Variants in GFM1 observed in about 807,000 individuals in gnomAD.
GFM1 encodes the protein elongation factor G, mitochondrial.
In GFM1, 62 loss-of-function variants were observed where a neutral mutation model predicts 96.2. The ratio of observed to expected loss-of-function variants is 0.64; its 90% CI spans 0.53 to 0.80. GFM1 has a LOEUF of 0.80. Among genes scored for constraint, GFM1 ranks in the 30% least tolerant of loss-of-function variants. The probability of loss-of-function intolerance (pLI) is 0.00; values close to 1 mark genes in which losing one functional copy is unlikely to be tolerated. For synonymous variants in GFM1, 282 were observed against 312.9 expected, an observed-to-expected ratio of 0.90 and a Z score of 1.04; for missense variants, 852 against 916.6, an observed-to-expected ratio of 0.93 and a Z score of 0.91.
chr3:158,686,210 A>C (rs1027867362), intron 15 of GFM1, among the ~76,000 whole-genome samples: 1 of 148,194 alleles, frequency 6.7e-6, no homozygotes, highest in Non-Finnish European at 1.5e-5. Context: ...TAAAATACAT[A>C]TATAAAGTAT....
At position 158,665,204 on chromosome 3, in the gene GFM1, G is replaced by A. The variant is rs1054815079; in HGVS notation, c.1381-133G>A. ...ACATTGTTTTTAAAAATGGTGTGGA[G>A]TAGAACTAGATATGTATCATTTTTA... On this transcript the variant is annotated intron_variant, in intron 11 of 17. Coordinates refer to ENST00000486715, the MANE Select transcript of GFM1 (RefSeq NM_024996.7). The A allele has an allele frequency of 5.8e-6, 4 of 692,612 alleles. No homozygotes were observed. In the Admixed American group the frequency reaches 9.1e-5, roughly 16 times the overall value. 42.9% of individuals were successfully genotyped at this position (692,612 alleles called of 1,614,324 possible).
rs933720181 is a variant in GFM1 at position 158,690,310 on chromosome 3, C to T, written c.2057C>T (p.Thr686Ile). ...TGQDGVEDYFTLYADVPLNDM... is the reference protein window; with the variant it reads ...TGQDGVEDYFILYADVPLNDM... ...CAAGATGGAGTTGAGGACTATTTTA[C>T]ACTGTATGCAGATGTAAGTAGTCTT... Residue 686 changes from threonine (T) to isoleucine (I), a missense_variant, in exon 16 of 18, where the codon ACA becomes ATA. Thr to Ile is a moderately conservative substitution (Grantham distance 89). Transcript: ENST00000486715. 25 of 1,613,600 alleles carry T rather than the reference C, an allele frequency of 1.5e-5. No homozygotes were observed. Among genetic ancestry groups the T allele is most frequent in the Non-Finnish European group, 1.9e-5 (23 of 1,179,682 alleles).
At chr3:158,681,256 A>T (rs1725355079) in intron 13 of GFM1, among the ~76,000 whole-genome samples, 1 of 152,220 alleles carries the variant, frequency 6.6e-6, no homozygotes, top group Non-Finnish European at 1.5e-5. Flanking sequence ...CTTGAGGAAG[A>T]TTTCAATTTA....
chr3:158,667,002 T>C (rs1723757752), intron 13 of GFM1: 3 of 1,594,942 alleles, frequency 1.9e-6, no homozygotes, highest in Non-Finnish European at 2.6e-6. Context: ...AAAGGTAAAT[T>C]ATACTTTACC....
In GFM1 at chr3:158,653,412, G is replaced by A. The variant is rs1266489910; in HGVS notation, c.943G>A (p.Glu315Lys). The change falls in exon 7 of 18, where the codon GAA (glutamate) becomes AAA (lysine). Residue 315 changes from glutamate to lysine, a missense_variant. Glu to Lys is a moderately conservative substitution (Grantham distance 56). Transcript: ENST00000486715. ...TCAGCCTCTTTTAGATGCTGTTTTA[G>A]AATACCTCCCAAATCCATCTGAAGT... ...GVQPLLDAVL[E>K]YLPNPSEVQN... 10 of 1,613,384 alleles carry A rather than the reference G, an allele frequency of 6.2e-6. No homozygotes were observed. Among genetic ancestry groups the A allele is most frequent in the Non-Finnish European group, 8.5e-6 (10 of 1,179,416 alleles).
intron 13 of GFM1, among the ~76,000 whole-genome samples, chr3:158,681,044 T>C (rs1725334884): frequency 6.6e-6 from 1 of 152,224 alleles, no homozygotes; most frequent in South Asian, 2.1e-4. Flanking sequence ...TTGTGTATAC[T>C]TGAGAATATG....
At chr3:158,689,246 C>G (rs1046256232) in intron 15 of GFM1, among the ~76,000 whole-genome samples, 2 of 152,138 alleles carry the variant, frequency 1.3e-5, no homozygotes, top group Admixed American at 6.5e-5. Flanking sequence ...TACAGACACA[C>G]TGAGTTTTAG....
intron 5 of GFM1, chr3:158,650,628 A>T (rs1451449695): frequency 6.6e-6 from 1 of 152,560 alleles, no homozygotes; most frequent in Non-Finnish European, 1.5e-5. Flanking sequence ...TTAGAATATT[A>T]AGTGTTACTT....
rs1023197586 is a variant in GFM1 at position 158,694,886 on chromosome 3, G to C, written c.*3419G>C. ...TATATGTCTTAAGAAAGTTCTAAAGGTATTAGGAAAATGAATGTCAAGCTG... is the reference window on the plus strand; with the variant it reads ...TATATGTCTTAAGAAAGTTCTAAAGCTATTAGGAAAATGAATGTCAAGCTG... On this transcript the variant is annotated 3_prime_UTR_variant, in exon 18 of 18. Coordinates refer to ENST00000486715, the MANE Select transcript of GFM1 (RefSeq NM_024996.7). Among the ~76,000 whole-genome samples the C allele has an allele frequency of 6.6e-6, 1 of 152,156 alleles. No homozygotes were observed. The highest frequency in any genetic ancestry group is 2.4e-5 in the African/African-American group (1 of 41,420).
At chr3:158,672,751 A>G (rs17698034) in intron 13 of GFM1, 8,905 of 354,058 alleles carry the variant, frequency 0.025, 163 homozygotes, top group Middle Eastern at 0.048. Flanking sequence ...GCTGGTTCCT[A>G]CTGGAGGAGA....
intron 13 of GFM1, chr3:158,667,061 T>C: frequency 6.3e-7 from 1 of 1,588,518 alleles, no homozygotes; most frequent in Non-Finnish European, 8.5e-7. Flanking sequence ...TTCAATAAAG[T>C]CATCATTTCT....
intron 13 of GFM1, among the ~76,000 whole-genome samples, chr3:158,676,482 T>A (rs1254997256): frequency 6.6e-6 from 1 of 152,164 alleles, no homozygotes; most frequent in Non-Finnish European, 1.5e-5. Context: ...ATGTGATATA[T>A]ATACTGTTTT....
intron 13 of GFM1, among the ~76,000 whole-genome samples, chr3:158,675,305 A>AGG (rs1560140874): frequency 6.8e-6 from 1 of 146,322 alleles, no homozygotes; most frequent in African/African-American, 2.6e-5. Context: ...AAAAAAAAAA[A>AGG]AAAAACAAGT....
intron 15 of GFM1, 150 bp downstream of exon 15, chr3:158,684,818 G>T: frequency 1.4e-6 from 1 of 709,446 alleles, no homozygotes; most frequent in South Asian, 1.7e-5. Flanking sequence ...ATGGACTTGA[G>T]ATCAAGGTAG....
chr3:158,645,673 T>A lies in GFM1; in HGVS notation c.126T>A (p.Pro42=). 6.2e-7 allele frequency: 1 copy of A among 1,612,736 alleles called. No homozygotes were observed. Among genetic ancestry groups the A allele is most frequent in the Admixed American group, 1.7e-5 (1 of 60,022 alleles). Residue 42 remains proline, a synonymous_variant, in exon 2 of 18, where the codon CCT becomes CCA. Coordinates refer to ENST00000486715, the MANE Select transcript of GFM1 (RefSeq NM_024996.7). ...GATGGTCTTCATCAGGGGTGATTCC[T>A]AATGAAAAAATACGAAATATTGGAA... The part of the protein sequence containing the change: ...ACRWSSSGVI[P]NEKIRNIGIS...
intron 15 of GFM1, among the ~76,000 whole-genome samples, chr3:158,687,410 C>T (rs1383945626): frequency 6.6e-6 from 1 of 152,074 alleles, no homozygotes; most frequent in African/African-American, 2.4e-5. Context: ...TTTTATTTCT[C>T]CATGATTGAA....
At chr3:158,665,666 T>C (rs1481702814) in intron 12 of GFM1, among the ~76,000 whole-genome samples, 192 bp downstream of exon 12, 1 of 152,182 alleles carries the variant, frequency 6.6e-6, no homozygotes, top group African/African-American at 2.4e-5. Context: ...TCTAAATCTT[T>C]TTATTTGTAA....
intron 11 of GFM1, among the ~76,000 whole-genome samples, chr3:158,664,203 A>G (rs1723422673): frequency 6.6e-6 from 1 of 152,222 alleles, no homozygotes. Flanking sequence ...TGTACTGGGC[A>G]TGTTAGTTTT....
Position 158,666,900 on chromosome 3 carries a change from T to C in GFM1, c.1601+514T>C, listed in dbSNP as rs1723747355. On this transcript the variant is annotated intron_variant, in intron 13 of 17. Transcript: ENST00000486715. ...ATAATATACTTAAATCTGGTGCCTA[T>C]CTGGATTTACATGAATTCTGATTTA... 4.7e-6 allele frequency: 7 copies of C among 1,494,914 alleles called. No homozygotes were observed. The South Asian group carries it at 8.9e-5, about 19-fold the overall frequency. The allele number at this position is 1,494,914 out of a possible 1,614,324, so 92.6% of individuals were successfully genotyped here.
Sources: gnomAD v4.1 joint callset for allele counts (sites outside exome capture counted in the v4.1 genomes callset) on GRCh38, gnomAD v4.1.1 for gene constraint, MANE v1.5 for transcripts, NCBI Gene and HGNC (gene_info 2026-07-23, HGNC 2026-07-21) for gene names.